Variants in IGSF11 observed in about 807,000 individuals in gnomAD.
IGSF11 encodes the protein CXADR like 1.
A neutral mutation model predicts 41.0 loss-of-function variants in IGSF11; 22 were observed. The ratio of observed to expected loss-of-function variants is 0.54; its 90% CI spans 0.38 to 0.77. IGSF11 has a LOEUF of 0.77. Ranked by LOEUF, IGSF11 falls within the 30% of genes least tolerant of loss-of-function variation. The pLI is 0.00. For synonymous variants in IGSF11, 219 were observed against 201.3 expected (o/e 1.09, Z -0.74); for missense variants, 444 against 530.8 (o/e 0.84, Z 1.61).
At chr3:119,040,813 C>T (rs1424909123) in intron 1 of IGSF11, among the ~76,000 whole-genome samples, 1 of 152,152 alleles carries the variant, frequency 6.6e-6, no homozygotes, top group Non-Finnish European at 1.5e-5. Flanking sequence ...AAATTATTTA[C>T]AACACATTCT....
chr3:119,048,279 G>A (rs1038831380), intron 1 of IGSF11, among the ~76,000 whole-genome samples: 2 of 151,784 alleles, frequency 1.3e-5, no homozygotes, highest in South Asian at 2.1e-4. Flanking sequence ...AAAGAGAGAA[G>A]AATCAAATAG....
At chr3:118,923,778 GA>G (rs1416576789) in intron 4 of IGSF11, among the ~76,000 whole-genome samples, 1 of 152,176 alleles carries the variant, frequency 6.6e-6, no homozygotes, top group Non-Finnish European at 1.5e-5. Flanking sequence ...TCCTCATAAT[GA>G]GATTTAGGTT....
rs1344750681 is a variant in IGSF11, at chr3:118,948,934, T to C, written c.53-18659A>G. Reference sequence around the variant, plus strand: ...TTGCAGTGAGCCGAGATCGCGCCACTGCCCTCCAGCCTGGGCGACAGAGCG... The same window carrying C: ...TTGCAGTGAGCCGAGATCGCGCCACCGCCCTCCAGCCTGGGCGACAGAGCG... On this transcript the variant is annotated intron_variant, in intron 1 of 6. Coordinates refer to ENST00000393775, the MANE Select transcript of IGSF11 (RefSeq NM_001015887.3). 3.4e-5 allele frequency among the ~76,000 whole-genome samples: 5 copies of C among 146,644 alleles called. 1 individual carries two copies. The highest frequency in any genetic ancestry group is 2.0e-4 in the East Asian group (1 of 4,994).
intron 1 of IGSF11, among the ~76,000 whole-genome samples, chr3:119,111,645 C>T (rs1023761840): frequency 3.3e-5 from 5 of 152,206 alleles, no homozygotes; most frequent in Non-Finnish European, 7.3e-5. Flanking sequence ...GAACTGCGTT[C>T]CTTTGGAGGA....
chr3:119,064,053 G>A (rs890519144), intron 1 of IGSF11, among the ~76,000 whole-genome samples: 1 of 152,200 alleles, frequency 6.6e-6, no homozygotes, highest in Non-Finnish European at 1.5e-5. Context: ...TTGGTTGAAA[G>A]GAGGAAGGGG....
chr3:119,045,368 A>T (rs1016028037), intron 1 of IGSF11, among the ~76,000 whole-genome samples: 1 of 152,238 alleles, frequency 6.6e-6, no homozygotes, highest in African/African-American at 2.4e-5. Context: ...TTTCCGAGTC[A>T]AAGAAAGGGG....
At chr3:119,106,742 C>A (rs954899100), upstream of IGSF11, among the ~76,000 whole-genome samples, 3 of 151,796 alleles carry the variant, frequency 2.0e-5, no homozygotes, top group Admixed American at 6.6e-5. Context: ...CCCCCCTCCT[C>A]CCACCCCACA....
chr3:118,916,049 C>T (rs1317364717), intron 4 of IGSF11, among the ~76,000 whole-genome samples: 2 of 148,812 alleles, frequency 1.3e-5, no homozygotes, highest in East Asian at 2.0e-4. Context: ...TACAGACAAG[C>T]AAATGCTGAG....
In IGSF11 at chr3:118,902,446, C is replaced by T. The variant is rs1938976616; in HGVS notation, c.*74G>A. The T allele has an allele frequency of 4.8e-6, 3 of 626,926 alleles. No individual in the cohort carries two copies. The highest frequency in any genetic ancestry group is 3.0e-6 in the Non-Finnish European group (1 of 338,650). 38.8% of individuals were successfully genotyped at this position (626,926 alleles called of 1,614,324 possible). A position where few individuals can be genotyped will look rare whatever the true frequency, so the allele number is the denominator to read the frequency against. ...ATAAGGAAGTGTTTCTTTCCCAGCACTCCCCACCCCACCCTCCCCCTTGTA... is the reference window on the plus strand; with the variant it reads ...ATAAGGAAGTGTTTCTTTCCCAGCATTCCCCACCCCACCCTCCCCCTTGTA... On this transcript the variant is annotated 3_prime_UTR_variant, in exon 7 of 7. Coordinates refer to ENST00000393775, the MANE Select transcript of IGSF11 (RefSeq NM_001015887.3).
chr3:118,959,905 C>T (rs978088242), intron 1 of IGSF11, among the ~76,000 whole-genome samples: 4 of 151,950 alleles, frequency 2.6e-5, no homozygotes, highest in Admixed American at 6.6e-5. Context: ...ATTAGCTGGG[C>T]GTGGTGGCGG....
At chr3:119,081,324 A>T (rs1185309004) in intron 1 of IGSF11, among the ~76,000 whole-genome samples, 1 of 151,148 alleles carries the variant, frequency 6.6e-6, no homozygotes, top group Non-Finnish European at 1.5e-5. Flanking sequence ...TTTTCCCTCT[A>T]CTTTTTATTG....
At chr3:118,904,260 C>T (rs1458174224) in intron 6 of IGSF11, among the ~76,000 whole-genome samples, 1 of 152,206 alleles carries the variant, frequency 6.6e-6, no homozygotes, top group East Asian at 1.9e-4. Context: ...TGACTGTGTA[C>T]AGGCACTGGT....
intron 1 of IGSF11, among the ~76,000 whole-genome samples, chr3:118,930,633 A>G (rs536872317): frequency 6.6e-6 from 1 of 152,274 alleles, no homozygotes; most frequent in South Asian, 2.1e-4. Flanking sequence ...GCACACTGCA[A>G]AATTAAATGC....
chr3:119,130,186 T>C (rs1489874591), intron 1 of IGSF11, among the ~76,000 whole-genome samples: 1 of 152,132 alleles, frequency 6.6e-6, no homozygotes, highest in Non-Finnish European at 1.5e-5. Context: ...AGATACCTGG[T>C]TCGTCTCACT....
At chr3:118,937,862 T>A (rs1013075491) in intron 1 of IGSF11, among the ~76,000 whole-genome samples, 2 of 152,196 alleles carry the variant, frequency 1.3e-5, no homozygotes, top group Non-Finnish European at 2.9e-5. Flanking sequence ...TCCCTTTAGA[T>A]ATAATTTCAG....
At chr3:119,060,619 A>T (rs1942023396) in intron 1 of IGSF11, among the ~76,000 whole-genome samples, 1 of 152,162 alleles carries the variant, frequency 6.6e-6, no homozygotes, top group South Asian at 2.1e-4. Flanking sequence ...GATAAAGAAA[A>T]CTGAGATTCA....
intron 1 of IGSF11, among the ~76,000 whole-genome samples, chr3:119,026,831 A>G (rs1939876664): frequency 6.6e-6 from 1 of 152,234 alleles, no homozygotes; most frequent in South Asian, 2.1e-4. Flanking sequence ...TACTTGAATG[A>G]ACAACTCACA....
chr3:118,971,412 G>A (rs1003397676), intron 1 of IGSF11, among the ~76,000 whole-genome samples: 1 of 151,996 alleles, frequency 6.6e-6, no homozygotes, highest in African/African-American at 2.4e-5. Context: ...TAAAATCAAT[G>A]TGGTTTGATT....
chr3:118,959,999 C>T (rs1462343345), intron 1 of IGSF11, among the ~76,000 whole-genome samples: 20 of 150,668 alleles, frequency 1.3e-4, no homozygotes, highest in Non-Finnish European at 2.8e-4. Flanking sequence ...GAGCGGAGAT[C>T]GCGCCACTGC....
Sources: allele counts gnomAD v4.1 joint callset (sites outside exome capture counted in the v4.1 genomes callset), GRCh38; gene constraint gnomAD v4.1.1; transcripts MANE v1.5; gene names NCBI Gene and HGNC (gene_info 2026-07-23, HGNC 2026-07-21).